Variants in CDH8 observed in about 807,000 individuals in gnomAD.
The protein encoded by CDH8 is cadherin-8.
CDH8 carries 17 observed loss-of-function variants against 68.1 expected under a neutral mutation model. The ratio of observed to expected loss-of-function variants is 0.25; its 90% CI spans 0.17 to 0.37. CDH8 has a LOEUF of 0.37. Ranked by LOEUF, CDH8 falls within the 10% of genes least tolerant of loss-of-function variation. The probability of loss-of-function intolerance (pLI) is 1.00; values close to 1 mark genes in which losing one functional copy is unlikely to be tolerated. For synonymous variants in CDH8, 372 were observed against 365.1 expected (o/e 1.02, Z -0.21); for missense variants, 763 against 999.3 (o/e 0.76, Z 3.19).
intron 2 of CDH8, among the ~76,000 whole-genome samples, chr16:62,014,771 G>T (rs574629172): frequency 2.6e-5 from 4 of 152,206 alleles, no homozygotes; most frequent in African/African-American, 9.6e-5. Context: ...TTACCAGCAA[G>T]AGAGTTACAT....
At chr16:61,888,823 G>A (rs191530275) in intron 3 of CDH8, among the ~76,000 whole-genome samples, 62 of 152,108 alleles carry the variant, frequency 4.1e-4, no homozygotes, top group African/African-American at 1.2e-3. Context: ...CTTTGTGAAC[G>A]TCCTCCCACT....
chr16:61,783,522 T>A (rs1484999014), intron 8 of CDH8, among the ~76,000 whole-genome samples: 1 of 151,784 alleles, frequency 6.6e-6, no homozygotes, highest in African/African-American at 2.4e-5. Flanking sequence ...TGCAGGATAT[T>A]ATCCAGGAGA....
At chr16:61,867,927 T>C (rs1178558126) in intron 3 of CDH8, among the ~76,000 whole-genome samples, 1 of 152,160 alleles carries the variant, frequency 6.6e-6, no homozygotes, top group African/African-American at 2.4e-5. Context: ...CAATATTCTT[T>C]CTTATTCTCT....
chr16:61,984,169 C>T (rs915782391), intron 2 of CDH8, among the ~76,000 whole-genome samples: 3 of 152,026 alleles, frequency 2.0e-5, no homozygotes, highest in Non-Finnish European at 2.9e-5. Flanking sequence ...CCGCCCACCT[C>T]GGCCTCCCAA....
intron 2 of CDH8, among the ~76,000 whole-genome samples, chr16:61,906,975 C>G (rs966400192): frequency 3.9e-5 from 6 of 152,166 alleles, no homozygotes; most frequent in Non-Finnish European, 7.3e-5. Flanking sequence ...TGCCAATTAT[C>G]TTGTACACAG....
At chr16:61,828,994 C>T (rs1962399385) in intron 4 of CDH8, among the ~76,000 whole-genome samples, 1 of 151,834 alleles carries the variant, frequency 6.6e-6, no homozygotes, top group African/African-American at 2.4e-5. Flanking sequence ...GAATATTCTA[C>T]AATTGCTCCC....
intron 2 of CDH8, among the ~76,000 whole-genome samples, chr16:61,972,571 G>GGGGGGGGT (rs369833002): frequency 7.6e-6 from 1 of 131,550 alleles, no homozygotes; most frequent in Non-Finnish European, 1.7e-5. Flanking sequence ...ACACATTGTG[G>GGGGGGGGT]GTGTGTGTGT....
intron 2 of CDH8, among the ~76,000 whole-genome samples, chr16:61,972,694 C>T (rs1965364067): frequency 6.6e-6 from 1 of 151,616 alleles, no homozygotes; most frequent in Non-Finnish European, 1.5e-5. Flanking sequence ...GAATATGACC[C>T]AATCAAGGCT....
At chr16:61,936,432 C>T (rs1282383200) in intron 2 of CDH8, among the ~76,000 whole-genome samples, 1 of 152,130 alleles carries the variant, frequency 6.6e-6, no homozygotes, top group Non-Finnish European at 1.5e-5. Flanking sequence ...CAACTCGGGG[C>T]AGTAGATAAG....
chr16:61,693,412 GAAGATATAGGACCCCA>G (rs756773256), intron 10 of CDH8: 13 of 152,094 alleles, frequency 8.5e-5, no homozygotes, highest in Non-Finnish European at 1.9e-4. Flanking sequence ...ATGTGACAGA[GAAGATATAGGACCCCA>G]AAGCCTTTCC....
intron 2 of CDH8, among the ~76,000 whole-genome samples, chr16:62,005,462 G>A (rs549542719): frequency 6.7e-6 from 1 of 150,060 alleles, no homozygotes; most frequent in Non-Finnish European, 1.5e-5. Flanking sequence ...GGGAGGCCGG[G>A]TGCTGTGGCT....
At chr16:61,677,910 C>T (rs1440244147) in intron 10 of CDH8, among the ~76,000 whole-genome samples, 2 of 151,916 alleles carry the variant, frequency 1.3e-5, no homozygotes, top group Non-Finnish European at 2.9e-5. Context: ...AAAAGTCGAC[C>T]AGCATTTAAC....
At chr16:61,864,345 G>C (rs1157490211) in intron 3 of CDH8, among the ~76,000 whole-genome samples, 2 of 151,228 alleles carry the variant, frequency 1.3e-5, no homozygotes, top group Non-Finnish European at 2.9e-5. Flanking sequence ...TTGGTTGGTT[G>C]ATTGAAAGTC....
chr16:61,966,566 TGAAAA>T (rs1965256833), intron 2 of CDH8, among the ~76,000 whole-genome samples: 1 of 150,812 alleles, frequency 6.6e-6, no homozygotes, highest in African/African-American at 2.4e-5. Context: ...AAGAAAAGAA[TGAAAA>T]GAATGTGGTT....
At chr16:62,007,302 G>A (rs189065605) in intron 2 of CDH8, among the ~76,000 whole-genome samples, 1 of 152,262 alleles carries the variant, frequency 6.6e-6, no homozygotes, top group Admixed American at 6.5e-5. Flanking sequence ...CTAAGCTGAT[G>A]TCATAGTCTG....
In CDH8 at chr16:61,985,114, G is replaced by GT. The variant is rs1177284615; in HGVS notation, c.252+36037dup. Among the ~76,000 whole-genome samples the GT allele has an allele frequency of 6.1e-3, 875 of 143,242 alleles. 5 individuals carry two copies. The highest frequency in any genetic ancestry group is 0.019 in the African/African-American group (745 of 39,358). 94.0% of individuals were successfully genotyped at this position (143,242 alleles called of 152,430 possible). A position where few individuals can be genotyped will look rare whatever the true frequency, so the allele number is the denominator to read the frequency against. ...AACTTTTTTTTCCTCAAGAATGTCG[G>GT]TTTTTTTTTTTCAAATGTAAAGACT... On this transcript the variant is annotated intron_variant, in intron 2 of 11. Transcript: ENST00000577390.
intron 10 of CDH8, among the ~76,000 whole-genome samples, chr16:61,698,608 A>G (rs1483615915): frequency 6.6e-6 from 1 of 152,226 alleles, no homozygotes; most frequent in East Asian, 1.9e-4. Flanking sequence ...ACTCATTGCA[A>G]TATGAGTGTC....
intron 8 of CDH8, among the ~76,000 whole-genome samples, chr16:61,770,536 A>G (rs1167124618): frequency 1.3e-5 from 2 of 151,914 alleles, no homozygotes; most frequent in Non-Finnish European, 2.9e-5. Context: ...TCATAACCAT[A>G]GCTGAATGAA....
chr16:61,794,625 C>G (rs903423446), intron 7 of CDH8, among the ~76,000 whole-genome samples: 1 of 151,916 alleles, frequency 6.6e-6, no homozygotes, highest in Non-Finnish European at 1.5e-5. Flanking sequence ...AGAAGTTCAT[C>G]TGGGCCTTAA....
Sources: gnomAD v4.1 joint callset for allele counts (sites outside exome capture counted in the v4.1 genomes callset) on GRCh38, gnomAD v4.1.1 for gene constraint, MANE v1.5 for transcripts, NCBI Gene and HGNC (gene_info 2026-07-23, HGNC 2026-07-21) for gene names.